Variants in MYO16 observed in about 807,000 individuals in gnomAD.
MYO16 encodes the protein myosin XVI, also known as unconventional myosin-XVI.
Under a neutral mutation model 205.3 loss-of-function variants are expected in MYO16, and 94 were observed. The observed-to-expected ratio is 0.46, with a 90% CI of 0.39 to 0.54. The LOEUF (loss-of-function observed/expected upper bound fraction) is 0.54, where lower values mean the gene tolerates loss of function less well. MYO16 is among the 20% of genes least tolerant of loss of function. The pLI, the probability that MYO16 is intolerant of heterozygous loss-of-function variation, is 0.00. For synonymous variants in MYO16, 988 were observed against 954.0 expected, an observed-to-expected ratio of 1.04 and a Z score of -0.66; for missense variants, 2,315 against 2,387.5, an observed-to-expected ratio of 0.97 and a Z score of 0.63.
chr13:109,150,190 T>C (rs1325932175), intron 32 of MYO16, among the ~76,000 whole-genome samples: 1 of 152,168 alleles, frequency 6.6e-6, no homozygotes, highest in Non-Finnish European at 1.5e-5. Context: ...CAAAAAGTCT[T>C]CATCGTTTGT....
chr13:109,034,886 A>G (rs1316278990), intron 23 of MYO16, among the ~76,000 whole-genome samples: 1 of 152,208 alleles, frequency 6.6e-6, no homozygotes, highest in African/African-American at 2.4e-5. Flanking sequence ...ATTAAAATTC[A>G]GTGTGAAGTG....
chr13:109,047,014 C>A, intron 24 of MYO16, 23 bp downstream of exon 24: 1 of 1,519,486 alleles, frequency 6.6e-7, no homozygotes, highest in Non-Finnish European at 9.1e-7. Context: ...TTTTTCCTGC[C>A]CTACACTGGT....
intron 1 of MYO16, among the ~76,000 whole-genome samples, chr13:108,602,636 CT>C (rs1878807488): frequency 6.6e-6 from 1 of 152,116 alleles, no homozygotes; most frequent in Non-Finnish European, 1.5e-5. Context: ...AGAAATCAAT[CT>C]GTCTTGACTT....
At chr13:109,196,671 AC>A (rs1200166728) in intron 34 of MYO16, among the ~76,000 whole-genome samples, 4 of 152,128 alleles carry the variant, frequency 2.6e-5, no homozygotes, top group African/African-American at 9.7e-5. Context: ...TGCTGGCCCC[AC>A]CCTAAGGGCT....
the MYO16 span, among the ~76,000 whole-genome samples, chr13:108,562,678 A>G: frequency 1.3e-5 from 2 of 152,192 alleles, no homozygotes; most frequent in Non-Finnish European, 2.9e-5. Context: ...CCATGAGATT[A>G]TAATACCATA....
chr13:108,926,057 T>C (rs916914212), intron 16 of MYO16, among the ~76,000 whole-genome samples: 3 of 152,208 alleles, frequency 2.0e-5, no homozygotes, highest in African/African-American at 7.2e-5. Flanking sequence ...CAGAGCCGCG[T>C]GCTCCATGGC....
intron 3 of MYO16, among the ~76,000 whole-genome samples, chr13:108,721,571 A>C (rs9520988): frequency 0.43 from 64,941 of 151,940 alleles, 14,159 homozygotes; most frequent in East Asian, 0.6. Context: ...GGAGAGAAGG[A>C]TGTCATCATG....
chr13:108,956,208 C>G (rs754510344), intron 16 of MYO16, among the ~76,000 whole-genome samples: 1 of 152,108 alleles, frequency 6.6e-6, no homozygotes, highest in Non-Finnish European at 1.5e-5. Context: ...TGAATGGGCC[C>G]GCAATCCACC....
intron 20 of MYO16, among the ~76,000 whole-genome samples, chr13:108,984,523 T>C (rs916601265): frequency 6.6e-6 from 1 of 152,216 alleles, no homozygotes; most frequent in African/African-American, 2.4e-5. Context: ...TTTCAGTGGT[T>C]GGTAATCATA....
At chr13:108,703,966 C>T (rs544419628) in intron 2 of MYO16, among the ~76,000 whole-genome samples, 1 of 152,078 alleles carries the variant, frequency 6.6e-6, no homozygotes, top group Non-Finnish European at 1.5e-5. Flanking sequence ...TTAAGAAGAA[C>T]AAGTTTGGAC....
At chr13:109,157,933 G>A (rs1025366263) in intron 32 of MYO16, among the ~76,000 whole-genome samples, 7 of 152,238 alleles carry the variant, frequency 4.6e-5, no homozygotes, top group African/African-American at 1.4e-4. Flanking sequence ...TCTAAAATGT[G>A]AGCACTCAAT....
intron 23 of MYO16, among the ~76,000 whole-genome samples, chr13:109,023,125 A>G (rs1886153331): frequency 7.6e-6 from 1 of 131,782 alleles, no homozygotes; most frequent in South Asian, 2.3e-4. Flanking sequence ...ATATAACAAT[A>G]TATAAATTTA....
chr13:109,058,908 G>T (rs1887499794), intron 27 of MYO16, among the ~76,000 whole-genome samples: 1 of 152,104 alleles, frequency 6.6e-6, no homozygotes, highest in Non-Finnish European at 1.5e-5. Flanking sequence ...ATCCTTTGTT[G>T]TCATTTCAAC....
At chr13:108,726,817 T>C (rs1172357786) in intron 3 of MYO16, among the ~76,000 whole-genome samples, 2 of 152,134 alleles carry the variant, frequency 1.3e-5, no homozygotes, top group African/African-American at 2.4e-5. Flanking sequence ...CTGGATGGTT[T>C]GATTTAGTAA....
intron 27 of MYO16, among the ~76,000 whole-genome samples, chr13:109,056,872 A>T (rs1184520398): frequency 1.3e-5 from 2 of 152,174 alleles, no homozygotes; most frequent in Non-Finnish European, 2.9e-5. Flanking sequence ...ATACTGATGT[A>T]AACTAATATA....
chr13:108,503,590 A>C, the MYO16 span, among the ~76,000 whole-genome samples: 1 of 152,200 alleles, frequency 6.6e-6, no homozygotes, highest in Non-Finnish European at 1.5e-5. Flanking sequence ...AAAGAATTGC[A>C]AATGTGCCTT....
chr13:109,124,571 T>C (rs1243393157), intron 29 of MYO16, among the ~76,000 whole-genome samples: 3 of 152,228 alleles, frequency 2.0e-5, no homozygotes, highest in African/African-American at 4.8e-5. Flanking sequence ...TTACACATTT[T>C]TCTAGCCGTC....
chr13:108,526,849 T>C, the MYO16 span, among the ~76,000 whole-genome samples: 2 of 152,158 alleles, frequency 1.3e-5, no homozygotes, highest in African/African-American at 2.4e-5. Context: ...TCTAGTCTAT[T>C]ACTTACTTTT....
chr13:108,710,507 T>C (rs1417339616), intron 2 of MYO16, among the ~76,000 whole-genome samples: 1 of 152,218 alleles, frequency 6.6e-6, no homozygotes, highest in Non-Finnish European at 1.5e-5. Context: ...TATGGGGTTT[T>C]ATTGCACGTA....
Sources: allele counts gnomAD v4.1 joint callset (sites outside exome capture counted in the v4.1 genomes callset), GRCh38; gene constraint gnomAD v4.1.1; transcripts MANE v1.5; gene names NCBI Gene and HGNC (gene_info 2026-07-23, HGNC 2026-07-21).